FYB1: variants seen among roughly 807,000 people sequenced by gnomAD.
FYB1 encodes FYN binding protein 1, also known as FYN-binding protein 1.
FYB1 carries 41 observed loss-of-function variants against 94.1 expected under a neutral mutation model. That is an observed-to-expected ratio of 0.44 (90% confidence interval 0.34 to 0.57). The LOEUF is 0.57. FYB1 is among the 20% of genes least tolerant of loss of function. The pLI is 0.02. For missense variants in FYB1, 1,050 were observed against 976.8 expected (o/e 1.07, Z -1.00); for synonymous variants, 367 against 353.2 (o/e 1.04, Z -0.44).
At chr5:39,126,274 G>T in intron 11 of FYB1, 139 bp from the exon 12 acceptor site, 1 of 871,390 alleles carries the variant, frequency 1.1e-6, no homozygotes, top group Non-Finnish European at 1.7e-6. Flanking sequence ...CATTTTATTG[G>T]ACAAAATAGT....
chr5:39,127,901 C>T, intron 10 of FYB1, 94 bp from the exon 11 acceptor site: 1 of 1,131,790 alleles, frequency 8.8e-7, no homozygotes, highest in Non-Finnish European at 1.2e-6. Flanking sequence ...CCTTATTTAA[C>T]TGCAGAGAGC....
chr5:39,168,829 A>G (rs1340754123), intron 2 of FYB1, among the ~76,000 whole-genome samples: 1 of 152,148 alleles, frequency 6.6e-6, no homozygotes, highest in Admixed American at 6.5e-5. Flanking sequence ...TTTAATCAAA[A>G]TAGGAAACTT....
intron 13 of FYB1, 85 bp downstream of exon 13, chr5:39,124,168 A>G (rs1262822685): frequency 1.2e-5 from 11 of 901,062 alleles, no homozygotes; most frequent in Non-Finnish European, 1.7e-5. Flanking sequence ...CAAGACTTTA[A>G]TGCAGATACT....
At chr5:39,215,553 C>G (rs13170711) in intron 1 of FYB1, among the ~76,000 whole-genome samples, 96,502 of 152,030 alleles carry the variant, frequency 0.63, 35,289 homozygotes, top group Non-Finnish European at 0.82. Flanking sequence ...GCCCAGCCAG[C>G]CAGGGGTGCA....
chr5:39,188,269 T>C, intron 2 of FYB1, among the ~76,000 whole-genome samples: 1 of 151,860 alleles, frequency 6.6e-6, no homozygotes, highest in East Asian at 1.9e-4. Context: ...AGTAACACCT[T>C]TGCTCTTTCC....
chr5:39,190,397 A>T (rs1477955809), intron 2 of FYB1, among the ~76,000 whole-genome samples: 3 of 152,206 alleles, frequency 2.0e-5, no homozygotes, highest in Non-Finnish European at 4.4e-5. Flanking sequence ...TTTGTAGCAC[A>T]GGCTGCTCCA....
At chr5:39,159,784 G>T (rs997901865) in intron 2 of FYB1, among the ~76,000 whole-genome samples, 1 of 152,102 alleles carries the variant, frequency 6.6e-6, no homozygotes, top group African/African-American at 2.4e-5. Context: ...TCCTTGTACA[G>T]CCCACTCCCT....
At chr5:39,245,910 T>A (rs1751458238) in intron 1 of FYB1, among the ~76,000 whole-genome samples, 1 of 152,188 alleles carries the variant, frequency 6.6e-6, no homozygotes, top group Admixed American at 6.5e-5. Flanking sequence ...TGGAACAGGC[T>A]TTTGTACAGC....
intron 1 of FYB1, among the ~76,000 whole-genome samples, chr5:39,244,601 C>T (rs894091164): frequency 2.6e-4 from 37 of 140,264 alleles, no homozygotes; most frequent in Non-Finnish European, 2.5e-4. Context: ...CTAAAATTCT[C>T]TTTTTTTGTT....
chr5:39,132,679 G>A (rs138830721), intron 9 of FYB1, among the ~76,000 whole-genome samples: 401 of 152,266 alleles, frequency 2.6e-3, no homozygotes, highest in South Asian at 0.015. Context: ...TTCATTCTAA[G>A]AACCTCATTG....
In FYB1 at chr5:39,170,744, C is replaced by T. The variant is rs118007240; in HGVS notation, c.1136-17140G>A. 3.7e-4 allele frequency among the ~76,000 whole-genome samples: 56 copies of T among 152,222 alleles called. No individual in the cohort carries two copies. In the East Asian group the frequency reaches 9.4e-3, roughly 26 times the overall value. ...TTATGGCTCCAATTTCAATGTCTTCCTATCATAAATTCCAAACTGTGACCT... is the reference window on the plus strand; with the variant it reads ...TTATGGCTCCAATTTCAATGTCTTCTTATCATAAATTCCAAACTGTGACCT... On this transcript the variant is annotated intron_variant, in intron 2 of 18. Transcript: ENST00000512982.
chr5:39,273,130 G>A (rs1483162556), intron 1 of FYB1, among the ~76,000 whole-genome samples: 2 of 152,142 alleles, frequency 1.3e-5, no homozygotes, highest in African/African-American at 4.8e-5. Flanking sequence ...CCACCACCCC[G>A]TCTGGGAGGT....
rs548304572 is a variant in FYB1 at position 39,238,920 on chromosome 5, G to T, written c.-28+35483C>A. ...ATGCTGGGTATTTCTGCACATGCCA[G>T]TGTGCCTTTTTGGCCACCTGACTTG... On this transcript the variant is annotated intron_variant, in intron 1 of 1. Coordinates refer to the FYB1 transcript ENST00000510188. Among the ~76,000 whole-genome samples, 3 of 152,212 alleles carry T rather than the reference G, an allele frequency of 2.0e-5. No homozygotes were observed. The East Asian group carries it at 5.8e-4, about 29-fold the overall frequency.
intron 1 of FYB1, among the ~76,000 whole-genome samples, chr5:39,229,077 T>G (rs1353510498): frequency 6.6e-6 from 1 of 152,186 alleles, no homozygotes; most frequent in Admixed American, 6.6e-5. Flanking sequence ...GACTGGGGTC[T>G]GTCCTGATTC....
chr5:39,270,475 G>T, intron 1 of FYB1: 2 of 1,215,574 alleles, frequency 1.6e-6, no homozygotes, highest in Non-Finnish European at 2.3e-6. Flanking sequence ...CAGAGGACCT[G>T]ACTGTGAAGC....
upstream of FYB1, among the ~76,000 whole-genome samples, chr5:39,220,603 C>T (rs1750202053): frequency 6.6e-6 from 1 of 152,186 alleles, no homozygotes; most frequent in Non-Finnish European, 1.5e-5. Context: ...TAACCTCCCC[C>T]ACCTTCCTTC....
Position 39,106,132 on chromosome 5 carries a change from G to T in FYB1, c.*1311C>A, listed in dbSNP as rs534354899. 2 of 152,084 alleles carry T rather than the reference G, an allele frequency of 1.3e-5. No individual in the cohort carries two copies. The allele number at this position is 152,084 out of a possible 1,614,324, so 9.4% of individuals were successfully genotyped here. ...TCTGAAACATGGGACTGAAGTAGGCGGAGCATTATAAAAGCCTAAGGTAAT... is the reference window on the plus strand; with the variant it reads ...TCTGAAACATGGGACTGAAGTAGGCTGAGCATTATAAAAGCCTAAGGTAAT... On this transcript the variant is annotated 3_prime_UTR_variant, in exon 19 of 19. Transcript: ENST00000512982.
rs933896393 is a variant in FYB1, at chr5:39,106,872, A to G, written c.*571T>C. Reference sequence around the variant, plus strand: ...CAATTAACAAATAAGGACAAATTTTATACAAAACTTCTACTACTGCTATAA... The same window carrying G: ...CAATTAACAAATAAGGACAAATTTTGTACAAAACTTCTACTACTGCTATAA... On this transcript the variant is annotated 3_prime_UTR_variant, in exon 19 of 19. Coordinates refer to ENST00000512982, the MANE Select transcript of FYB1 (RefSeq NM_001465.6). The G allele has an allele frequency of 6.6e-6, 1 of 152,148 alleles. No homozygotes were observed. Among genetic ancestry groups the G allele is most frequent in the Non-Finnish European group, 1.5e-5 (1 of 67,956 alleles). The allele number at this position is 152,148 out of a possible 1,614,324, so 9.4% of individuals were successfully genotyped here.
Position 39,202,259 on chromosome 5 carries a change from T to G in FYB1, c.702A>C (p.Lys234Asn), listed in dbSNP as rs1270263370. ...CCCTTGCTGGTTTTAAAGGGCCGCT[T>G]TTGGACCTGACTCCCAGGGGAGCTG... ...GSPAPLGVRS[K>N]SGPLKPARED... Residue 234 changes from lysine (K) to asparagine (N), a missense_variant, in exon 2 of 19, where the codon AAA (lysine) becomes AAC (asparagine). Lys to Asn is a moderately conservative substitution (Grantham distance 94). Transcript: ENST00000512982. 3 of 1,613,982 alleles carry G rather than the reference T, an allele frequency of 1.9e-6. No homozygotes were observed. The highest frequency in any genetic ancestry group is 1.7e-6 in the Non-Finnish European group (2 of 1,179,878).
Sources: allele counts gnomAD v4.1 joint callset (sites outside exome capture counted in the v4.1 genomes callset), GRCh38; gene constraint gnomAD v4.1.1; transcripts MANE v1.5; gene names NCBI Gene and HGNC (gene_info 2026-07-23, HGNC 2026-07-21).